The following FAM222A variants were observed in gnomAD, a reference collection of about 807,000 sequenced individuals.
FAM222A encodes family with sequence similarity 222 member A, also known as protein FAM222A.
A neutral mutation model predicts 25.8 loss-of-function variants in FAM222A; 7 were observed. The observed-to-expected ratio is 0.27, with a 90% CI of 0.15 to 0.51. FAM222A has a LOEUF of 0.51. Ranked by LOEUF, FAM222A falls within the 20% of genes least tolerant of loss-of-function variation. The pLI, the probability that FAM222A is intolerant of heterozygous loss-of-function variation, is 0.97. For missense variants in FAM222A, 573 were observed against 640.5 expected (o/e 0.89, Z 1.14); for synonymous variants, 294 against 298.8 (o/e 0.98, Z 0.17).
intron 1 of FAM222A, among the ~76,000 whole-genome samples, chr12:109,732,647 G>A (rs1212551522): frequency 6.6e-6 from 1 of 152,238 alleles, no homozygotes; most frequent in Non-Finnish European, 1.5e-5. Context: ...TTGAAAGGAC[G>A]CCCATCCTCT....
At chr12:109,752,199 T>C (rs183269663) in intron 2 of FAM222A, among the ~76,000 whole-genome samples, 343 of 152,290 alleles carry the variant, frequency 2.3e-3, no homozygotes, top group Non-Finnish European at 3.9e-3. Flanking sequence ...TCCTTCCTGC[T>C]CCAAAGCCAG....
At chr12:109,745,946 T>C (rs953165589) in intron 2 of FAM222A, among the ~76,000 whole-genome samples, 2 of 152,174 alleles carry the variant, frequency 1.3e-5, no homozygotes, top group African/African-American at 2.4e-5. Context: ...TTTGTTCTTA[T>C]TGATTTGTAG....
intron 2 of FAM222A, among the ~76,000 whole-genome samples, chr12:109,755,287 C>CTTTTTTTTTTTTTTTTTTT (rs540689300): frequency 4.0e-5 from 2 of 49,426 alleles, no homozygotes; most frequent in Admixed American, 3.0e-4. Flanking sequence ...TGTAATTCTT[C>CTTTTTTTTTTTTTTTTTTT]TTTTTTTTTT....
chr12:109,759,617 A>G (rs1888832817), intron 2 of FAM222A, among the ~76,000 whole-genome samples: 1 of 152,242 alleles, frequency 6.6e-6, no homozygotes, highest in Non-Finnish European at 1.5e-5. Context: ...CAGCACTTCC[A>G]GCCCAGCCAG....
chr12:109,738,715 C>T (rs768458941), intron 1 of FAM222A, among the ~76,000 whole-genome samples: 1 of 152,244 alleles, frequency 6.6e-6, no homozygotes, highest in African/African-American at 2.4e-5. Context: ...ATGGCTACGT[C>T]TAGAGCCCCT....
rs150838600 is a variant in FAM222A, at chr12:109,752,079, G to A, written c.82+7851G>A. Among the ~76,000 whole-genome samples the A allele has an allele frequency of 2.5e-3, 380 of 152,254 alleles. 5 individuals are homozygous for A. The highest frequency in any genetic ancestry group is 8.3e-3 in the African/African-American group (343 of 41,534). Reference sequence around the variant, plus strand: ...AATTCCAGGCTGGACTGTCTCAAAGGGTCTGTGCCTTTTAACCTTTGATTG... The same window carrying A: ...AATTCCAGGCTGGACTGTCTCAAAGAGTCTGTGCCTTTTAACCTTTGATTG... On this transcript the variant is annotated intron_variant, in intron 2 of 2. Transcript: ENST00000538780.
intron 2 of FAM222A, among the ~76,000 whole-genome samples, chr12:109,745,896 T>C (rs1888386088): frequency 6.6e-6 from 1 of 152,120 alleles, no homozygotes; most frequent in South Asian, 2.1e-4. Flanking sequence ...AATCTACTTA[T>C]CTCCTTGGCT....
chr12:109,736,888 G>C (rs1157985330), intron 1 of FAM222A, among the ~76,000 whole-genome samples: 3 of 152,106 alleles, frequency 2.0e-5, no homozygotes, highest in African/African-American at 7.2e-5. Flanking sequence ...GTGTGTCCCA[G>C]TAGGACACTT....
intron 2 of FAM222A, chr12:109,744,540 G>A (rs1888339480): frequency 3.0e-6 from 3 of 985,412 alleles, no homozygotes; most frequent in Non-Finnish European, 3.6e-6. Flanking sequence ...CTAGCCATGT[G>A]TGTCTCCCTT....
At position 109,769,232 on chromosome 12, in the gene FAM222A, G is replaced by T; in HGVS notation, c.1303G>T (p.Val435Leu). 6.2e-7 allele frequency: 1 copy of T among 1,611,670 alleles called. No individual in the cohort carries two copies. Among genetic ancestry groups the T allele is most frequent in the Non-Finnish European group, 8.5e-7 (1 of 1,179,540 alleles). The change falls in exon 3 of 3, where the codon GTG (valine) becomes TTG (leucine). Residue 435 changes from valine (V) to leucine (L), a missense_variant. Val to Leu is a conservative substitution (Grantham distance 32, BLOSUM62 1). Coordinates refer to ENST00000538780, the MANE Select transcript of FAM222A (RefSeq NM_032829.3). ...MLGKGYETVA[V>L]PRLLDHQHAH... ...GGGCAAGGGCTATGAGACGGTGGCC[G>T]TGCCCCGGCTACTCGACCACCAGCA...
chr12:109,750,061 A>G (rs2136356660), intron 2 of FAM222A, among the ~76,000 whole-genome samples: 1 of 152,250 alleles, frequency 6.6e-6, no homozygotes, highest in East Asian at 1.9e-4. Context: ...GATATGACAC[A>G]TGTGGTCTTA....
At chr12:109,736,793 G>A (rs569560259) in intron 1 of FAM222A, among the ~76,000 whole-genome samples, 4 of 152,238 alleles carry the variant, frequency 2.6e-5, no homozygotes, top group Admixed American at 1.3e-4. Flanking sequence ...GCTGTACCCC[G>A]CCCCTTTCTC....
chr12:109,769,389 T>TAA lies in FAM222A; in HGVS notation c.*101_*102insAA. 1 of 1,372,566 alleles carries TAA rather than the reference T, an allele frequency of 7.3e-7. No homozygotes were observed. The highest frequency in any genetic ancestry group is 2.6e-5 in the Admixed American group (1 of 38,686). 85.0% of individuals were successfully genotyped at this position (1,372,566 alleles called of 1,614,324 possible). A position where few individuals can be genotyped will look rare whatever the true frequency, so the allele number is the denominator to read the frequency against. The stretch of plus-strand genomic sequence containing the variant: ...CTCGCAGGGGCGCTCAGCCCCACCC[T>TAA]GTGCCTGCTGATGCCCACAGGGGAG... On this transcript the variant is annotated 3_prime_UTR_variant, in exon 3 of 3. Transcript: ENST00000538780.
intron 1 of FAM222A, among the ~76,000 whole-genome samples, chr12:109,722,300 A>G (rs1490007660): frequency 6.6e-6 from 1 of 152,194 alleles, no homozygotes; most frequent in East Asian, 1.9e-4. Context: ...TTCCCATAGT[A>G]GGGAGCTCTG....
At chr12:109,762,841 C>T (rs9645836) in intron 2 of FAM222A, among the ~76,000 whole-genome samples, 64,088 of 152,136 alleles carry the variant, frequency 0.42, 14,024 homozygotes, top group Non-Finnish European at 0.48. Flanking sequence ...CAGGGGCCAC[C>T]GGAGCACTGT....
At chr12:109,762,788 A>G (rs1486639439) in intron 2 of FAM222A, among the ~76,000 whole-genome samples, 1 of 152,218 alleles carries the variant, frequency 6.6e-6, no homozygotes, top group East Asian at 1.9e-4. Flanking sequence ...AAAGTCCTTC[A>G]GGGAACAAGA....
rs1339786123 is a variant in FAM222A at position 109,713,986 on chromosome 12, G to A, written c.-958G>A. 1.4e-5 allele frequency among the ~76,000 whole-genome samples: 2 copies of A among 146,468 alleles called. No homozygotes were observed. Among genetic ancestry groups the A allele is most frequent in the Non-Finnish European group, 3.0e-5 (2 of 65,876 alleles). On this transcript the variant is annotated 5_prime_UTR_variant, in exon 1 of 3. Coordinates refer to ENST00000538780, the MANE Select transcript of FAM222A (RefSeq NM_032829.3). Reference sequence around the variant, plus strand: ...CCAGGCGAGGCGCCGGCGCGCGCCAGACGGCGCGAGGCTGCGGCCCCGGGA... The same window carrying A: ...CCAGGCGAGGCGCCGGCGCGCGCCAAACGGCGCGAGGCTGCGGCCCCGGGA...
intron 1 of FAM222A, chr12:109,722,501 C>T (rs543539890): frequency 6.6e-6 from 1 of 152,364 alleles, no homozygotes; most frequent in South Asian, 2.1e-4. Flanking sequence ...AATGAAGACT[C>T]CCCGGACTAA....
rs901982650 is a variant in FAM222A at position 109,769,003 on chromosome 12, C to T, written c.1074C>T (p.Ser358=). Residue 358 remains serine (S), a synonymous_variant, in exon 3 of 3, where the codon AGC becomes AGT. Coordinates refer to ENST00000538780, the MANE Select transcript of FAM222A (RefSeq NM_032829.3). ...PWNSVLVTPT[S]DCYNPAAAVV... Reference sequence around the variant, plus strand: ...ACAGTGTGCTGGTGACACCCACCAGCGACTGCTACAACCCAGCGGCGGCGG... The same window carrying T: ...ACAGTGTGCTGGTGACACCCACCAGTGACTGCTACAACCCAGCGGCGGCGG... The T allele has an allele frequency of 2.5e-6, 4 of 1,577,212 alleles. No homozygotes were observed. The highest frequency in any genetic ancestry group is 1.3e-5 in the African/African-American group (1 of 74,352).
Sources: gnomAD v4.1 joint callset for allele counts (sites outside exome capture counted in the v4.1 genomes callset) on GRCh38, gnomAD v4.1.1 for gene constraint, MANE v1.5 for transcripts, NCBI Gene and HGNC (gene_info 2026-07-23, HGNC 2026-07-21) for gene names.